The following ATP7A variants were observed in gnomAD, a reference collection of about 807,000 sequenced individuals.
ATP7A encodes the protein copper-transporting ATPase 1.
ATP7A carries 7 observed loss-of-function variants against 83.5 expected under a neutral mutation model. That is an observed-to-expected ratio of 0.08 (90% CI 0.05 to 0.16). ATP7A has a LOEUF of 0.16. Among genes scored for constraint, ATP7A ranks in the 10% least tolerant of loss-of-function variants. The pLI is 1.00. For synonymous variants in ATP7A, 354 were observed against 395.2 expected (o/e 0.90, Z 1.24); for missense variants, 940 against 1,120.8 (o/e 0.84, Z 2.30).
At chrX:77,951,619 AC>A (rs2077414061) in intron 1 of ATP7A, among the ~76,000 whole-genome samples, 1 of 105,876 alleles carries the variant, frequency 9.4e-6, no homozygotes, top group African/African-American at 3.5e-5. Context: ...TCGCTCTGTC[AC>A]CCAGGCTGGA....
intron 9 of ATP7A, 78 bp downstream of exon 9, chrX:78,011,752 T>C: frequency 2.2e-6 from 2 of 923,754 alleles, no homozygotes; most frequent in Non-Finnish European, 3.1e-6. Flanking sequence ...TATTTTCAGC[T>C]ACAAAACTGA....
At chrX:77,917,741 G>A (rs782586750) in intron 1 of ATP7A, among the ~76,000 whole-genome samples, 3 of 112,044 alleles carry the variant, frequency 2.7e-5, no homozygotes, top group East Asian at 5.6e-4. Context: ...GCTACTTGAC[G>A]TGGGCATCTG....
chrX:77,935,802 T>C (rs1162844729), intron 1 of ATP7A, among the ~76,000 whole-genome samples: 1 of 112,786 alleles, frequency 8.9e-6, no homozygotes, highest in Non-Finnish European at 1.9e-5. Flanking sequence ...GCAGAGTAAA[T>C]GATAACATGT....
chrX:78,021,523 A>G (rs782665886), intron 14 of ATP7A, among the ~76,000 whole-genome samples: 1 of 111,862 alleles, frequency 8.9e-6, no homozygotes, highest in Non-Finnish European at 1.9e-5. Flanking sequence ...TAAATAATAT[A>G]TTAGAAATAA....
At chrX:78,026,112 T>G (rs1324030539) in intron 14 of ATP7A, among the ~76,000 whole-genome samples, 2 of 111,678 alleles carry the variant, frequency 1.8e-5, no homozygotes, top group Non-Finnish European at 3.8e-5. Context: ...GTAAATGGCC[T>G]AAATACTCCA....
At chrX:78,005,951 C>A (rs1276224331) in intron 6 of ATP7A, among the ~76,000 whole-genome samples, 2 of 110,998 alleles carry the variant, frequency 1.8e-5, no homozygotes, top group Non-Finnish European at 3.8e-5. Flanking sequence ...AGCGTCAGCA[C>A]CCCAAAATTT....
chrX:77,952,963 G>T (rs1488479127), intron 1 of ATP7A, among the ~76,000 whole-genome samples: 1 of 109,595 alleles, frequency 9.1e-6, no homozygotes, highest in African/African-American at 3.3e-5. Flanking sequence ...TGCATTTTTT[G>T]TGGAGACACA....
At chrX:77,948,153 G>T (rs1269355301) in intron 1 of ATP7A, among the ~76,000 whole-genome samples, 1 of 106,297 alleles carries the variant, frequency 9.4e-6, no homozygotes, top group African/African-American at 3.5e-5. Flanking sequence ...TCAAGACGGA[G>T]TCTTGCTCTG....
chrX:78,046,161 A>T, intron 22 of ATP7A, 133 bp from the exon 23 acceptor site: 1 of 726,486 alleles, frequency 1.4e-6, no homozygotes, highest in Non-Finnish European at 2.1e-6. Context: ...CTATTTTCCT[A>T]CCAGTGATCA....
At chrX:77,942,754 C>A (rs1453574784) in intron 1 of ATP7A, among the ~76,000 whole-genome samples, 1 of 110,243 alleles carries the variant, frequency 9.1e-6, no homozygotes, top group African/African-American at 3.3e-5. Context: ...AGCCCTCTTT[C>A]TCTGAAAGTA....
chrX:78,010,791 T>G (rs782690092), intron 7 of ATP7A, among the ~76,000 whole-genome samples: 48 of 108,878 alleles, frequency 4.4e-4, no homozygotes, highest in African/African-American at 1.2e-3. Flanking sequence ...GTGTTGGCCA[T>G]ACTGCTCTCG....
chrX:78,001,266 TA>T (rs1307811527), intron 5 of ATP7A, among the ~76,000 whole-genome samples: 1 of 111,499 alleles, frequency 9.0e-6, no homozygotes, highest in Admixed American at 9.6e-5. Context: ...TAGATTATAT[TA>T]GGTATTTTTT....
intron 15 of ATP7A, among the ~76,000 whole-genome samples, chrX:78,030,364 G>A (rs1203139676): frequency 1.8e-5 from 2 of 109,505 alleles, no homozygotes; most frequent in African/African-American, 6.6e-5. Context: ...AGGGGTTGCA[G>A]TGAGCTGGGA....
intron 6 of ATP7A, among the ~76,000 whole-genome samples, chrX:78,005,683 CAAAAAA>C (rs1218646073): frequency 3.6e-4 from 5 of 13,700 alleles, no homozygotes; most frequent in African/African-American, 6.0e-4. Context: ...AACTCCATCT[CAAAAAA>C]AAAAAAAAAA....
chrX:77,989,351 G>C lies in ATP7A; in HGVS notation c.729G>C (p.Lys243Asn), dbSNP rs782326318. 2.5e-6 allele frequency: 3 copies of C among 1,211,567 alleles called. No individual in the cohort carries two copies. Among genetic ancestry groups the C allele is most frequent in the Non-Finnish European group, 3.4e-6 (3 of 895,416 alleles). Residue 243 changes from lysine (K) to asparagine (N), a missense_variant, in exon 4 of 23, where the codon AAG becomes AAC. By Grantham distance (94) the Lys-to-Asn change is moderately conservative. Coordinates refer to ENST00000341514, the MANE Select transcript of ATP7A (RefSeq NM_000052.7). ...CAGCATTTGTCAAAAAGCAGCCCAA[G>C]TACCTCAAATTGGGAGCTATTGATG... ...GFPAFVKKQP[K>N]YLKLGAIDVE... is the part of the protein sequence containing the mutation.
At chrX:78,003,972 A>G (rs947705850) in intron 6 of ATP7A, among the ~76,000 whole-genome samples, 5 of 111,476 alleles carry the variant, frequency 4.5e-5, no homozygotes, top group Non-Finnish European at 9.4e-5. Context: ...CATTCATAAG[A>G]TTATATTTAT....
At chrX:77,931,773 A>T (rs1229082036) in intron 1 of ATP7A, among the ~76,000 whole-genome samples, 1 of 75,395 alleles carries the variant, frequency 1.3e-5, no homozygotes, top group Non-Finnish European at 2.6e-5. Context: ...TGGGGGGCTG[A>T]CCCCCCCCAC....
At chrX:77,962,762 T>A (rs1557228207) in intron 1 of ATP7A, 1 of 387,599 alleles carries the variant, frequency 2.6e-6, no homozygotes, top group East Asian at 7.4e-5. Context: ...CAACCAAACT[T>A]CTTGAAGCCA....
In ATP7A at chrX:77,989,892, C is replaced by G; in HGVS notation, c.1270C>G (p.Leu424Val). 4.1e-6 allele frequency: 5 copies of G among 1,210,481 alleles called. No individual in the cohort carries two copies. Among genetic ancestry groups the G allele is most frequent in the Non-Finnish European group, 5.6e-6 (5 of 894,646 alleles). Reference sequence around the variant, plus strand: ...CAATGGGACTGTTGAGTATGATCCTCTACTAACCTCTCCAGAAACGTTGAG... The same window carrying G: ...CAATGGGACTGTTGAGTATGATCCTGTACTAACCTCTCCAGAAACGTTGAG... Reference protein sequence around the residue: ...NSNGTVEYDPLLTSPETLRGA... With the variant: ...NSNGTVEYDPVLTSPETLRGA... Residue 424 changes from leucine (L) to valine (V), a missense_variant, in exon 4 of 23, where the codon CTA (leucine) becomes GTA (valine). Physicochemically the swap from Leu to Val is conservative, Grantham distance 32. Around this residue, in one of 3 missense-constraint regions of ATP7A, gnomAD observed 350 missense variants for 432.8 expected, o/e 0.81. Coordinates refer to ENST00000341514, the MANE Select transcript of ATP7A (RefSeq NM_000052.7).
Sources: allele counts gnomAD v4.1 joint callset (sites outside exome capture counted in the v4.1 genomes callset), GRCh38; gene constraint gnomAD v4.1.1; regional missense constraint gnomAD v4.1.1; transcripts MANE v1.5; gene names NCBI Gene and HGNC (gene_info 2026-07-23, HGNC 2026-07-21).